The following ADGB variants were observed in gnomAD, a reference collection of about 807,000 sequenced individuals.
ADGB encodes calpain-7-like protein.
Under a neutral mutation model 210.5 loss-of-function variants are expected in ADGB, and 172 were observed. That is an observed-to-expected ratio of 0.82 (90% CI 0.72 to 0.93). ADGB has a LOEUF of 0.93. Ranked by LOEUF, ADGB falls within the 40% of genes least tolerant of loss-of-function variation. ADGB has a pLI of 0.00. For synonymous variants in ADGB, 658 were observed against 662.7 expected (o/e 0.99, Z 0.11); for missense variants, 2,025 against 1,964.8 (o/e 1.03, Z -0.58).
intron 2 of ADGB, among the ~76,000 whole-genome samples, chr6:146,642,426 C>A (rs1775531170): frequency 6.6e-6 from 1 of 151,966 alleles, no homozygotes; most frequent in South Asian, 2.1e-4. Context: ...CATAGAGACA[C>A]ATGCATGCGA....
chr6:146,717,201 G>A (rs9390417), intron 15 of ADGB, 132 bp downstream of exon 15: 1 of 727,486 alleles, frequency 1.4e-6, no homozygotes, highest in South Asian at 2.6e-5. Flanking sequence ...TTAATTCTTA[G>A]CATCATCCAA....
intron 23 of ADGB, among the ~76,000 whole-genome samples, chr6:146,740,153 T>G (rs1014560118): frequency 9.2e-5 from 14 of 152,240 alleles, no homozygotes; most frequent in African/African-American, 3.4e-4. Context: ...CCTTATAGCT[T>G]CAACTTTGGT....
intron 35 of ADGB, among the ~76,000 whole-genome samples, chr6:146,805,919 ATTG>A (rs746755756): frequency 6.6e-6 from 1 of 152,178 alleles, no homozygotes; most frequent in Non-Finnish European, 1.5e-5. Context: ...TTCATTTTTG[ATTG>A]TTCTCTGCTA....
intron 13 of ADGB, among the ~76,000 whole-genome samples, chr6:146,702,415 T>C (rs567094261): frequency 1.3e-5 from 2 of 151,990 alleles, no homozygotes; most frequent in South Asian, 2.1e-4. Context: ...ATTTTTGGAA[T>C]TTGAAAAATC....
chr6:146,654,317 G>C, intron 4 of ADGB, 111 bp downstream of exon 4: 1 of 454,732 alleles, frequency 2.2e-6, no homozygotes, highest in Non-Finnish European at 3.6e-6. Flanking sequence ...TTAAGTTTTG[G>C]TATTATATAT....
chr6:146,740,419 G>C lies in ADGB; in HGVS notation c.2889-40G>C. 4 of 1,454,008 alleles carry C rather than the reference G, an allele frequency of 2.8e-6. No individual in the cohort carries two copies. In the African/African-American group the frequency reaches 5.8e-5, roughly 21 times the overall value. 90.1% of individuals were successfully genotyped at this position (1,454,008 alleles called of 1,614,324 possible). A position where few individuals can be genotyped will look rare whatever the true frequency, so the allele number is the denominator to read the frequency against. ...GTAAATAGAGTTTATCTTTAAAGTG[G>C]CTTTTGCCATTGATACATAATTTAT... is the stretch of plus-strand genomic sequence containing the variant. On this transcript the variant is annotated intron_variant, in intron 23 of 35. Coordinates refer to ENST00000397944, the MANE Select transcript of ADGB (RefSeq NM_024694.4).
chr6:146,736,583 T>C lies in ADGB; in HGVS notation c.2880T>C (p.Ser960=), dbSNP rs1420512155. The change falls in exon 23 of 36, where the codon TCT becomes TCC. Residue 960 remains serine, a synonymous_variant. Coordinates refer to ENST00000397944, the MANE Select transcript of ADGB (RefSeq NM_024694.4). ...LEMNLEQYAV[S]LLRLMFKSKC... is the part of the protein sequence containing the mutation. ...TGAATTTAGAACAGTATGCAGTTTC[T>C]CTCTTAAGGTAAAGCAGTCAAATGA... The C allele has an allele frequency of 1.3e-6, 2 of 1,543,102 alleles. No homozygotes were observed. The highest frequency in any genetic ancestry group is 1.8e-6 in the Non-Finnish European group (2 of 1,142,554).
intron 6 of ADGB, 178 bp downstream of exon 6, chr6:146,664,518 G>A (rs917866368): frequency 1.6e-5 from 9 of 556,490 alleles, no homozygotes; most frequent in Non-Finnish European, 2.5e-5. Flanking sequence ...TTTCTATTAG[G>A]TTAACAATAA....
chr6:146,721,855 T>A lies in ADGB; in HGVS notation c.2095+350T>A, dbSNP rs182582664. On this transcript the variant is annotated intron_variant, in intron 17 of 35. Transcript: ENST00000397944. ...CTCTCTCTCAAAAAAAATAAAAAAA[T>A]TTTAAAAATATTTTTAGAAGACCGT... 2.3e-3 allele frequency among the ~76,000 whole-genome samples: 348 copies of A among 152,002 alleles called. 8 individuals are homozygous for A. In the East Asian group the frequency reaches 0.044, roughly 19 times the overall value.
intron 4 of ADGB, among the ~76,000 whole-genome samples, 186 bp from the exon 5 acceptor site, chr6:146,656,585 T>C (rs1249684260): frequency 6.6e-6 from 1 of 152,328 alleles, no homozygotes; most frequent in East Asian, 1.9e-4. Context: ...ATTGTGACTG[T>C]ATTTCCCAAA....
intron 3 of ADGB, among the ~76,000 whole-genome samples, chr6:146,647,115 A>AAAAAAAAAAAAAAAAAAAAAAAAAAAAC (rs1562263814): frequency 6.8e-6 from 1 of 147,930 alleles, no homozygotes; most frequent in African/African-American, 2.6e-5. Flanking sequence ...CAAAAAACAA[A>AAAAAAAAAAAAAAAAAAAAAAAAAAAAC]AAACAAACAA....
At chr6:146,681,403 T>C (rs961736904) in intron 9 of ADGB, among the ~76,000 whole-genome samples, 2 of 152,120 alleles carry the variant, frequency 1.3e-5, no homozygotes, top group African/African-American at 4.8e-5. Flanking sequence ...CTGTACACCC[T>C]GCAGAACCAT....
intron 28 of ADGB, among the ~76,000 whole-genome samples, chr6:146,767,323 AAAC>A (rs1777590819): frequency 6.6e-6 from 1 of 152,216 alleles, no homozygotes; most frequent in Admixed American, 6.5e-5. Context: ...GCCCAAGAAA[AAAC>A]AACAGAATAA....
intron 1 of ADGB, among the ~76,000 whole-genome samples, chr6:146,614,195 CCCTCCCTT>C (rs1198665282): frequency 2.7e-5 from 3 of 109,374 alleles, no homozygotes; most frequent in South Asian, 3.5e-4. Context: ...CTCCCTCCCT[CCCTCCCTT>C]CCTCCCTTCC....
chr6:146,719,673 C>A (rs1014497992), intron 16 of ADGB, among the ~76,000 whole-genome samples: 3 of 152,126 alleles, frequency 2.0e-5, no homozygotes, highest in African/African-American at 7.2e-5. Context: ...TTCAATGGTG[C>A]CATGTGCTGG....
At chr6:146,614,727 A>G (rs7774471) in intron 1 of ADGB, among the ~76,000 whole-genome samples, 1,830 of 152,278 alleles carry the variant, frequency 0.012, 34 homozygotes, top group African/African-American at 0.038. Flanking sequence ...TGGGTAATTT[A>G]TAAGGAAATG....
At chr6:146,662,244 C>CT (rs1775871110) in intron 5 of ADGB, among the ~76,000 whole-genome samples, 1 of 152,012 alleles carries the variant, frequency 6.6e-6, no homozygotes, top group Admixed American at 6.6e-5. Context: ...TCTTTCTCTT[C>CT]TTTTTTTCAG....
intron 12 of ADGB, 108 bp downstream of exon 12, chr6:146,693,023 T>C: frequency 1.6e-6 from 1 of 625,212 alleles, no homozygotes; most frequent in Non-Finnish European, 2.7e-6. Flanking sequence ...ATAGTAATTT[T>C]AAAATAAGCC....
intron 1 of ADGB, among the ~76,000 whole-genome samples, chr6:146,634,171 G>C (rs185691488): frequency 6.6e-6 from 1 of 152,196 alleles, no homozygotes; most frequent in Admixed American, 6.6e-5. Context: ...AGCTGTACAG[G>C]TTTATAGCCT....
Sources: allele counts gnomAD v4.1 joint callset (sites outside exome capture counted in the v4.1 genomes callset), GRCh38; gene constraint gnomAD v4.1.1; transcripts MANE v1.5; gene names NCBI Gene and HGNC (gene_info 2026-07-23, HGNC 2026-07-21).